Variants in ULK4 observed in about 807,000 individuals in gnomAD.
ULK4 encodes inactive serine/threonine-protein kinase ULK4.
In ULK4, 133 loss-of-function variants were observed where a neutral mutation model predicts 160.6. The observed-to-expected ratio is 0.83, with a 90% confidence interval of 0.72 to 0.96. The LOEUF (loss-of-function observed/expected upper bound fraction) is 0.96, where lower values mean the gene tolerates loss of function less well. Ranked by LOEUF, ULK4 falls within the 40% of genes least tolerant of loss-of-function variation. The pLI, the probability that ULK4 is intolerant of heterozygous loss-of-function variation, is 0.00. For missense variants in ULK4, 1,580 were observed against 1,499.5 expected (o/e 1.05, Z -0.89); for synonymous variants, 534 against 539.8 (o/e 0.99, Z 0.15).
At chr3:41,559,026 C>A (rs1279077523) in intron 32 of ULK4, among the ~76,000 whole-genome samples, 1 of 137,776 alleles carries the variant, frequency 7.3e-6, no homozygotes, top group Admixed American at 7.6e-5. Flanking sequence ...TCCCTCCCCC[C>A]TACCCCCACC....
rs868354509 is a variant in ULK4, at chr3:41,935,017, A to T, written c.378+784T>A. 5.8e-3 allele frequency among the ~76,000 whole-genome samples: 656 copies of T among 112,910 alleles called. 7 individuals carry two copies. The highest frequency in any genetic ancestry group is 0.022 in the Middle Eastern group (4 of 180). The allele number at this position is 112,910 out of a possible 152,430, so 74.1% of individuals were successfully genotyped here. The stretch of plus-strand genomic sequence containing the variant: ...ACCATATATTTCCTTTTATTTATTA[A>T]TTTTTTTTTTTTTTTTTTTTTGAAA... On this transcript the variant is annotated intron_variant, in intron 4 of 36. Coordinates refer to ENST00000301831, the MANE Select transcript of ULK4 (RefSeq NM_017886.4).
chr3:41,478,404 G>C (rs1334328627), intron 32 of ULK4, among the ~76,000 whole-genome samples: 2 of 152,180 alleles, frequency 1.3e-5, no homozygotes, highest in African/African-American at 4.8e-5. Flanking sequence ...ACTTTCCTAA[G>C]AAAATTTTGC....
At position 41,507,680 on chromosome 3, in the gene ULK4, T is replaced by G. The variant is rs370615773; in HGVS notation, c.3227-44427A>C. On this transcript the variant is annotated intron_variant, in intron 32 of 36. Transcript: ENST00000301831. ...TATCAACAAAAGTTACACTGTCAAT[T>G]TTAGAAATATTGCAGAAAAGTTGAA... is the stretch of plus-strand genomic sequence containing the variant. 4.5e-4 allele frequency among the ~76,000 whole-genome samples: 67 copies of G among 150,018 alleles called. 1 individual carries two copies. The South Asian group carries it at 0.014, about 31-fold the overall frequency.
intron 29 of ULK4, among the ~76,000 whole-genome samples, chr3:41,673,611 T>C (rs1235015941): frequency 6.6e-6 from 1 of 152,180 alleles, no homozygotes; most frequent in Non-Finnish European, 1.5e-5. Context: ...TGCCATACTG[T>C]CATAAAAATA....
intron 34 of ULK4, among the ~76,000 whole-genome samples, chr3:41,453,133 G>T (rs1456450271): frequency 1.3e-5 from 2 of 152,134 alleles, no homozygotes; most frequent in Non-Finnish European, 2.9e-5. Flanking sequence ...CTAGCTCATT[G>T]TCAGCACTGG....
At chr3:41,320,414 C>A (rs1276447289) in intron 35 of ULK4, among the ~76,000 whole-genome samples, 2 of 152,138 alleles carry the variant, frequency 1.3e-5, no homozygotes, top group African/African-American at 4.8e-5. Flanking sequence ...TTTTCAATAA[C>A]AAGGAGAGTA....
intron 17 of ULK4, among the ~76,000 whole-genome samples, chr3:41,870,505 T>C (rs1338997614): frequency 6.6e-6 from 1 of 152,334 alleles, no homozygotes; most frequent in Non-Finnish European, 1.5e-5. Flanking sequence ...ATCCAATAAG[T>C]GTTTTTGAAC....
intron 31 of ULK4, among the ~76,000 whole-genome samples, chr3:41,598,649 T>C (rs2031853444): frequency 6.6e-6 from 1 of 151,664 alleles, no homozygotes; most frequent in Non-Finnish European, 1.5e-5. Flanking sequence ...GCCCAGAGAA[T>C]ACACATCCAC....
At chr3:41,630,440 A>G (rs2033696189) in intron 30 of ULK4, among the ~76,000 whole-genome samples, 1 of 152,112 alleles carries the variant, frequency 6.6e-6, no homozygotes, top group African/African-American at 2.4e-5. Flanking sequence ...CTCCTTCTCT[A>G]AACCAGCGAG....
intron 17 of ULK4, among the ~76,000 whole-genome samples, chr3:41,845,678 G>C (rs2042054030): frequency 6.6e-6 from 1 of 152,048 alleles, no homozygotes; most frequent in Non-Finnish European, 1.5e-5. Context: ...AGGAAAACTG[G>C]ATGAAGTATA....
At chr3:41,903,480 G>A (rs1040088497) in intron 12 of ULK4, among the ~76,000 whole-genome samples, 2 of 151,866 alleles carry the variant, frequency 1.3e-5, no homozygotes, top group African/African-American at 2.4e-5. Context: ...AGCTACTCAA[G>A]AGGCTGAGGC....
chr3:41,816,988 C>T (rs2040987119), intron 19 of ULK4, among the ~76,000 whole-genome samples: 2 of 151,968 alleles, frequency 1.3e-5, no homozygotes, highest in Non-Finnish European at 1.5e-5. Flanking sequence ...CAAAAAGAGA[C>T]ATGTCAACTG....
At chr3:41,649,303 C>T (rs553223736) in intron 30 of ULK4, among the ~76,000 whole-genome samples, 67 of 152,274 alleles carry the variant, frequency 4.4e-4, no homozygotes, top group African/African-American at 1.5e-3. Context: ...GCCAAGGATG[C>T]ACACTCTGTG....
rs1485255079 is a variant in ULK4, at chr3:41,463,253, C to G, written c.3227G>C (p.Gly1076Ala). The change falls in exon 33 of 37, where the codon GGA becomes GCA. Residue 1076 changes from glycine to alanine, a missense_variant and splice_region_variant. Transcript: ENST00000301831. ...DSNMELLYEQGLVSHICNLLT... is the reference protein window; with the variant it reads ...DSNMELLYEQALVSHICNLLT... ...CAGGTTACAGATGTGACTGACAAGT[C>G]CTGAGGGTAAAAAAGGAAAAGAAAA... 1 of 1,607,740 alleles carries G rather than the reference C, an allele frequency of 6.2e-7. No individual in the cohort carries two copies. Among genetic ancestry groups the G allele is most frequent in the Admixed American group, 1.7e-5 (1 of 59,340 alleles).
chr3:41,780,906 A>C (rs2125582662), intron 21 of ULK4, among the ~76,000 whole-genome samples: 1 of 152,236 alleles, frequency 6.6e-6, no homozygotes, highest in Admixed American at 6.5e-5. Context: ...AGTTAACTGA[A>C]ATTCAAATTC....
At chr3:41,795,978 G>T (rs563501693) in intron 20 of ULK4, among the ~76,000 whole-genome samples, 1 of 152,158 alleles carries the variant, frequency 6.6e-6, no homozygotes, top group Non-Finnish European at 1.5e-5. Context: ...TAAGGGAAAG[G>T]AAAGTATCAA....
chr3:41,359,358 G>T (rs1157709434), intron 35 of ULK4, among the ~76,000 whole-genome samples: 1 of 152,236 alleles, frequency 6.6e-6, no homozygotes, highest in Non-Finnish European at 1.5e-5. Context: ...AGCTCCCCTA[G>T]GGAGCAAACC....
intron 34 of ULK4, among the ~76,000 whole-genome samples, chr3:41,417,993 A>C (rs2082568324): frequency 6.6e-6 from 1 of 152,168 alleles, no homozygotes; most frequent in Non-Finnish European, 1.5e-5. Context: ...ATCATCAAGA[A>C]TGAGAAAGTT....
chr3:41,642,608 G>C (rs1338978074), intron 30 of ULK4, among the ~76,000 whole-genome samples: 2 of 152,198 alleles, frequency 1.3e-5, no homozygotes, highest in Non-Finnish European at 2.9e-5. Context: ...ATTTGGATCA[G>C]TTCTAAGTCT....
Sources: gnomAD v4.1 joint callset for allele counts (sites outside exome capture counted in the v4.1 genomes callset) on GRCh38, gnomAD v4.1.1 for gene constraint, MANE v1.5 for transcripts, NCBI Gene and HGNC (gene_info 2026-07-23, HGNC 2026-07-21) for gene names.